The following SMARCA4 variants were observed in gnomAD, a reference collection of about 807,000 sequenced individuals.
The protein encoded by SMARCA4 is SWI/SNF-related matrix-associated actin-dependent regulator of chromatin subfamily A member 4.
Under a neutral mutation model 193.9 loss-of-function variants are expected in SMARCA4, and 31 were observed. The ratio of observed to expected loss-of-function variants is 0.16; its 90% CI spans 0.12 to 0.22. The LOEUF (loss-of-function observed/expected upper bound fraction) is 0.22, where lower values mean the gene tolerates loss of function less well. Among genes scored for constraint, SMARCA4 ranks in the 10% least tolerant of loss-of-function variants. The pLI is 1.00. For synonymous variants in SMARCA4, 942 were observed against 933.1 expected (o/e 1.01, Z -0.17); for missense variants, 1,148 against 2,296.0 (o/e 0.50, Z 10.22).
chr19:11,010,604 C>T (rs2088736349), intron 15 of SMARCA4, 73 bp downstream of exon 15: 1 of 1,469,642 alleles, frequency 6.8e-7, no homozygotes, highest in South Asian at 1.1e-5. Flanking sequence ...GTGCGGGCTT[C>T]AGACCTCAGG....
chr19:11,050,791 GC>G (rs1395931368), intron 30 of SMARCA4, among the ~76,000 whole-genome samples: 1 of 152,272 alleles, frequency 6.6e-6, no homozygotes, highest in Non-Finnish European at 1.5e-5. Context: ...CCAGGGCAGG[GC>G]CCCTGAGGGA....
chr19:11,007,173 T>G (rs1478484762), intron 13 of SMARCA4, among the ~76,000 whole-genome samples: 1 of 152,070 alleles, frequency 6.6e-6, no homozygotes, highest in Non-Finnish European at 1.5e-5. Flanking sequence ...GGCTCACGCC[T>G]GTAATCCCAG....
At chr19:10,990,210 G>A (rs577386814) in intron 7 of SMARCA4, among the ~76,000 whole-genome samples, 59 of 152,144 alleles carry the variant, frequency 3.9e-4, no homozygotes, top group Non-Finnish European at 3.1e-4. Flanking sequence ...CTGGAGTGCA[G>A]TGGTGCCATC....
chr19:11,059,638 C>A, intron 32 of SMARCA4, 115 bp from the exon 33 acceptor site: 1 of 1,200,664 alleles, frequency 8.3e-7, no homozygotes, highest in Non-Finnish European at 1.2e-6. Context: ...CTCGCATTGG[C>A]CACTGATCAG....
intron 1 of SMARCA4, among the ~76,000 whole-genome samples, chr19:10,969,756 C>G (rs1428314899): frequency 6.6e-6 from 1 of 152,138 alleles, no homozygotes; most frequent in Non-Finnish European, 1.5e-5. Context: ...AACAGCACGT[C>G]CCAGCCGAGA....
chr19:10,969,263 A>T (rs2084487236), intron 1 of SMARCA4, among the ~76,000 whole-genome samples: 1 of 152,038 alleles, frequency 6.6e-6, no homozygotes, highest in Admixed American at 6.6e-5. Flanking sequence ...ATGTTTATTT[A>T]AAAATTTATG....
At position 10,985,203 on chromosome 19, in the gene SMARCA4, G is replaced by T; in HGVS notation, c.223-70G>T. ...CTCGGTGCCCTCGAGCTTCTCTCGG[G>T]CAGCGCATAGCTGCGCTGCCACCTC... On this transcript the variant is annotated intron_variant, in intron 2 of 34. Coordinates refer to ENST00000344626, the MANE Select transcript of SMARCA4 (RefSeq NM_003072.5). The surrounding 1 kb of genome is among the most constrained non-coding windows in gnomAD (Gnocchi z 4.5). 6.4e-7 allele frequency: 1 copy of T among 1,555,262 alleles called. No individual in the cohort carries two copies. Among genetic ancestry groups the T allele is most frequent in the Middle Eastern group, 1.7e-4 (1 of 5,820 alleles).
chr19:11,061,881 C>A lies in SMARCA4; in HGVS notation c.*65C>A. 7.1e-7 allele frequency: 1 copy of A among 1,404,384 alleles called. No individual in the cohort carries two copies. Among genetic ancestry groups the A allele is most frequent in the Non-Finnish European group, 1.0e-6 (1 of 988,538 alleles). The allele number at this position is 1,404,384 out of a possible 1,614,324, so 87.0% of individuals were successfully genotyped here. ...AGAGCTGAGATGGCATAGGCCTTAG[C>A]AGTAACGGGTAGCAGCAGATGTAGT... On this transcript the variant is annotated 3_prime_UTR_variant, in exon 35 of 35. Transcript: ENST00000344626.
chr19:10,995,027 G>T (rs758204692), intron 9 of SMARCA4, 26 bp downstream of exon 9: 1 of 1,586,998 alleles, frequency 6.3e-7, no homozygotes, highest in Non-Finnish European at 8.6e-7. Flanking sequence ...CTTGACGTGC[G>T]CTCTTCTACA....
At chr19:10,975,437 G>C (rs1158974425) in intron 1 of SMARCA4, among the ~76,000 whole-genome samples, 1 of 150,576 alleles carries the variant, frequency 6.6e-6, no homozygotes, top group Non-Finnish European at 1.5e-5. Context: ...TCAGCTTCCC[G>C]AATAGCTGGG....
At chr19:11,047,355 T>C (rs113844926) in intron 30 of SMARCA4, among the ~76,000 whole-genome samples, 95 of 151,748 alleles carry the variant, frequency 6.3e-4, no homozygotes, top group African/African-American at 2.2e-3. Context: ...GCGCTGATGT[T>C]CCCGGTGACG....
intron 29 of SMARCA4, chr19:11,039,620 C>A: frequency 1.2e-6 from 1 of 819,940 alleles, no homozygotes; most frequent in East Asian, 3.1e-5. Context: ...CCTAATGCCC[C>A]TGAACTGTGT....
chr19:11,012,830 G>A lies in SMARCA4; in HGVS notation c.2275-119G>A, dbSNP rs1385044227. The stretch of plus-strand genomic sequence containing the variant: ...AAAATCCGTGGTAAAGGCAGTAGAG[G>A]GTGGGATGTGGCTTAGGCAGAACTC... On this transcript the variant is annotated intron_variant, in intron 15 of 34. Coordinates refer to ENST00000344626, the MANE Select transcript of SMARCA4 (RefSeq NM_003072.5). 3 of 854,490 alleles carry A rather than the reference G, an allele frequency of 3.5e-6. No individual in the cohort carries two copies. The African/African-American group carries it at 5.0e-5, about 14-fold the overall frequency. 52.9% of individuals were successfully genotyped at this position (854,490 alleles called of 1,614,324 possible). A position where few individuals can be genotyped will look rare whatever the true frequency, so the allele number is the denominator to read the frequency against.
At chr19:11,056,927 G>C (rs995054607) in intron 30 of SMARCA4, among the ~76,000 whole-genome samples, 2 of 152,252 alleles carry the variant, frequency 1.3e-5, no homozygotes, top group Non-Finnish European at 2.9e-5. Flanking sequence ...AGCAAGACAA[G>C]GCGCACTCAG....
Position 10,987,887 on chromosome 19 carries a change from C to T in SMARCA4, c.1081C>T (p.Leu361Phe), listed in dbSNP as rs1222895303. 1 of 1,613,120 alleles carries T rather than the reference C, an allele frequency of 6.2e-7. No homozygotes were observed. The highest frequency in any genetic ancestry group is 2.2e-5 in the East Asian group (1 of 44,870). The change falls in exon 6 of 35, where the codon CTC becomes TTC. Residue 361 changes from leucine (L) to phenylalanine (F), a missense_variant. Coordinates refer to ENST00000344626, the MANE Select transcript of SMARCA4 (RefSeq NM_003072.5). The surrounding 1 kb of genome is among the most constrained non-coding windows in gnomAD (Gnocchi z 5.3). ...RITPIQKPRG[L>F]DPVEILQERE... ...CACCCCCATCCAGAAGCCGCGGGGC[C>T]TCGACCCTGTGGAGATCCTGCAGGA... is the stretch of plus-strand genomic sequence containing the variant.
rs552713877 is a variant in SMARCA4, at chr19:10,989,462, G to T, written c.1245+19G>T. 1.9e-6 allele frequency: 3 copies of T among 1,613,184 alleles called. No homozygotes were observed. Among genetic ancestry groups the T allele is most frequent in the Non-Finnish European group, 2.5e-6 (3 of 1,179,604 alleles). ...GAGGCAGGTGGGTGCTGGCATGGCC[G>T]CAGCTTTCCGAAAAGGGCCTTTGTC... is the stretch of plus-strand genomic sequence containing the variant. On this transcript the variant is annotated intron_variant, in intron 7 of 34. Coordinates refer to ENST00000344626, the MANE Select transcript of SMARCA4 (RefSeq NM_003072.5).
chr19:10,995,406 C>A (rs535085482), intron 9 of SMARCA4: 1 of 463,790 alleles, frequency 2.2e-6, no homozygotes, highest in African/African-American at 2.0e-5. Flanking sequence ...GCTCTGTGTA[C>A]GGGGACATGG....
intron 9 of SMARCA4, 54 bp downstream of exon 9, chr19:10,995,055 G>C (rs185462341): frequency 6.7e-7 from 1 of 1,490,356 alleles, no homozygotes; most frequent in Middle Eastern, 1.7e-4. Flanking sequence ...CTGGTACTGC[G>C]GGCTCCAGGG....
In SMARCA4 at chr19:11,031,022, G is replaced by T. The variant is rs2074893359; in HGVS notation, c.3546+129G>T. ...TCTTGGACCCCAGGAGCCGGGAGGAGCTGCACCCATATCTCCATAGGTCAT... is the reference window on the plus strand; with the variant it reads ...TCTTGGACCCCAGGAGCCGGGAGGATCTGCACCCATATCTCCATAGGTCAT... On this transcript the variant is annotated intron_variant, in intron 25 of 34. Transcript: ENST00000344626. The surrounding 1 kb of genome is among the most constrained non-coding windows in gnomAD (Gnocchi z 4.3). The T allele has an allele frequency of 5.8e-6, 5 of 855,526 alleles. No individual in the cohort carries two copies. Among genetic ancestry groups the T allele is most frequent in the African/African-American group, 5.0e-5 (3 of 60,160 alleles). The allele number at this position is 855,526 out of a possible 1,614,324, so 53.0% of individuals were successfully genotyped here. A position where few individuals can be genotyped will look rare whatever the true frequency, so the allele number is the denominator to read the frequency against.
Sources: gnomAD v4.1 joint callset for allele counts (sites outside exome capture counted in the v4.1 genomes callset) on GRCh38, gnomAD v4.1.1 for gene constraint, Gnocchi (gnomAD v3.1) non-coding constraint, MANE v1.5 for transcripts, NCBI Gene and HGNC (gene_info 2026-07-23, HGNC 2026-07-21) for gene names.